GTF2H2C: variants seen among roughly 807,000 people sequenced by gnomAD.
GTF2H2C encodes GTF2H2 family member C.
Under a neutral mutation model 24.8 loss-of-function variants are expected in GTF2H2C, and 5 were observed. The ratio of observed to expected loss-of-function variants is 0.20; its 90% confidence interval spans 0.11 to 0.42. The LOEUF is 0.42. GTF2H2C is among the 20% of genes least tolerant of loss of function. GTF2H2C has a pLI of 1.00. For synonymous variants in GTF2H2C, 14 were observed against 52.6 expected, an observed-to-expected ratio of 0.27 and a Z score of 3.18; for missense variants, 45 against 169.8, an observed-to-expected ratio of 0.27 and a Z score of 4.08.
chr5:69,568,458 A>G (rs1477386975), intron 8 of GTF2H2C: 6 of 329,400 alleles, frequency 1.8e-5, no homozygotes, highest in African/African-American at 1.0e-4. Flanking sequence ...TTTAAATTCT[A>G]TATGTGCTTA....
chr5:69,573,568 C>T (rs1356653508), intron 9 of GTF2H2C, among the ~76,000 whole-genome samples: 3 of 10,616 alleles, frequency 2.8e-4, no homozygotes, highest in Non-Finnish European at 4.3e-4. Flanking sequence ...GAGGTAAGTA[C>T]AGTAGTAGGG....
At chr5:69,564,871 A>G (rs971903747) in intron 2 of GTF2H2C, among the ~76,000 whole-genome samples, 1 of 152,118 alleles carries the variant, frequency 6.6e-6, no homozygotes, top group South Asian at 2.1e-4. Flanking sequence ...GTAAAAAGAC[A>G]CTTATTTTTA....
chr5:69,560,907 G>A (rs954011256), intron 1 of GTF2H2C, among the ~76,000 whole-genome samples: 3 of 151,786 alleles, frequency 2.0e-5, no homozygotes, highest in African/African-American at 7.3e-5. Flanking sequence ...ACAGGCGCGT[G>A]CCACCACGCC....
rs1174187959 is a variant in GTF2H2C at position 69,593,938 on chromosome 5, GAAAAAAAAA to G, written c.*1758_*1766del. Among the ~76,000 whole-genome samples the G allele has an allele frequency of 3.4e-4, 14 of 41,650 alleles. No homozygotes were observed. Among genetic ancestry groups the G allele is most frequent in the Admixed American group, 9.6e-4 (2 of 2,078 alleles). The allele number at this position is 41,650 out of a possible 152,430, so 27.3% of individuals were successfully genotyped here. ...GCGACAGAGCTAGACTCTGTCTCAA[GAAAAAAAAA>G]AAAAAAAAAAAAAAAAAGAGTAAAT... On this transcript the variant is annotated 3_prime_UTR_variant, in exon 17 of 17. Transcript: ENST00000380729.
intron 2 of GTF2H2C, among the ~76,000 whole-genome samples, chr5:69,563,941 A>AT (rs1387004852): frequency 6.7e-6 from 1 of 149,816 alleles, no homozygotes; most frequent in Non-Finnish European, 1.5e-5. Flanking sequence ...CATCTGGCTA[A>AT]TTTTTTTCTA....
chr5:69,577,244 A>G (rs1771344139), intron 9 of GTF2H2C, among the ~76,000 whole-genome samples: 2 of 52,220 alleles, frequency 3.8e-5, no homozygotes, highest in Admixed American at 2.4e-4. Flanking sequence ...CACTCTGATC[A>G]GTCAGCAGCC....
chr5:69,591,528 T>G lies in GTF2H2C; in HGVS notation c.1069-551T>G, dbSNP rs558798722. On this transcript the variant is annotated intron_variant, in intron 16 of 16. Coordinates refer to ENST00000380729, the MANE Select transcript of GTF2H2C (RefSeq NM_001376000.2). Reference sequence around the variant, plus strand: ...TGATTTTTGAATCTGTGTATGAAGCTGCCCTGGAAATTTTATCCCAAGGAG... The same window carrying G: ...TGATTTTTGAATCTGTGTATGAAGCGGCCCTGGAAATTTTATCCCAAGGAG... Among the ~76,000 whole-genome samples the G allele has an allele frequency of 1.2e-4, 18 of 152,266 alleles. No homozygotes were observed. In the East Asian group the frequency reaches 2.9e-3, roughly 24 times the overall value.
chr5:69,563,208 G>GTTTTTTTTT (rs372454225), intron 2 of GTF2H2C, among the ~76,000 whole-genome samples: 2 of 107,312 alleles, frequency 1.9e-5, no homozygotes, highest in African/African-American at 4.4e-5. Context: ...ACCCGGCCTG[G>GTTTTTTTTT]TTTTTTTTTT....
At position 69,563,663 on chromosome 5, in the gene GTF2H2C, G is replaced by T. The variant is rs1236587974; in HGVS notation, c.-34+893G>T. ...TGGTAGTAAACATAGTACCTGATAG[G>T]CAGTTTTTCAACCCTCACTCTTTCC... On this transcript the variant is annotated intron_variant, in intron 2 of 16. Coordinates refer to ENST00000380729, the MANE Select transcript of GTF2H2C (RefSeq NM_001376000.2). Among the ~76,000 whole-genome samples, 3 of 152,042 alleles carry T rather than the reference G, an allele frequency of 2.0e-5. No individual in the cohort carries two copies. In the East Asian group the frequency reaches 5.8e-4, roughly 29 times the overall value.
chr5:69,573,068 T>G (rs1330734175), intron 9 of GTF2H2C, among the ~76,000 whole-genome samples: 2 of 142,564 alleles, frequency 1.4e-5, no homozygotes, highest in South Asian at 2.2e-4. Context: ...TATATATAAT[T>G]TATTATACAT....
intron 3 of GTF2H2C, 38 bp downstream of exon 3, chr5:69,565,226 C>T: frequency 1.7e-6 from 1 of 573,194 alleles, no homozygotes; most frequent in Non-Finnish European, 3.0e-6. Context: ...TTCTTTTAGA[C>T]AATGTCTTTT....
rs1204475855 is a variant in GTF2H2C at position 69,588,382 on chromosome 5, T to A, written c.1029-1946T>A. 8.3e-5 allele frequency among the ~76,000 whole-genome samples: 2 copies of A among 23,986 alleles called. 1 individual carries two copies. The highest frequency in any genetic ancestry group is 1.8e-4 in the Non-Finnish European group (2 of 11,286). 15.7% of individuals were successfully genotyped at this position (23,986 alleles called of 152,430 possible). A position where few individuals can be genotyped will look rare whatever the true frequency, so the allele number is the denominator to read the frequency against. Reference sequence around the variant, plus strand: ...AAATTTTATATTGAAGGACAGAACTTTCTAGATTGAAAGGGCCTGTTGGCT... The same window carrying A: ...AAATTTTATATTGAAGGACAGAACTATCTAGATTGAAAGGGCCTGTTGGCT... On this transcript the variant is annotated intron_variant, in intron 15 of 16. Transcript: ENST00000380729.
In GTF2H2C at chr5:69,594,436, T is replaced by TACACACACACACACACACACACAC. The variant is rs67773295; in HGVS notation, c.*2257_*2280dup. On this transcript the variant is annotated 3_prime_UTR_variant, in exon 17 of 17. Transcript: ENST00000380729. ...GGAGCCCAGGAATATTCATTTTTAA[T>TACACACACACACACACACACACAC]ACACACACACACACACACACACACA... The TACACACACACACACACACACACAC allele has an allele frequency of 6.9e-6, 1 of 145,390 alleles. No individual in the cohort carries two copies. The highest frequency in any genetic ancestry group is 2.5e-5 in the African/African-American group (1 of 39,778). 9.0% of individuals were successfully genotyped at this position (145,390 alleles called of 1,614,324 possible). A position where few individuals can be genotyped will look rare whatever the true frequency, so the allele number is the denominator to read the frequency against.
chr5:69,563,195 C>T (rs1770493375), intron 2 of GTF2H2C, among the ~76,000 whole-genome samples: 1 of 144,360 alleles, frequency 6.9e-6, no homozygotes, highest in South Asian at 2.2e-4. Context: ...TGTCAGCCAT[C>T]ATACCCGGCC....
chr5:69,589,565 GA>G (rs1316335030), intron 15 of GTF2H2C, among the ~76,000 whole-genome samples: 1 of 16,614 alleles, frequency 6.0e-5, no homozygotes, highest in African/African-American at 1.8e-4. Flanking sequence ...AGGCATTCGA[GA>G]CCAGCCTGGG....
At chr5:69,577,427 TTTC>T (rs1264654805) in intron 9 of GTF2H2C, among the ~76,000 whole-genome samples, 7 of 143,796 alleles carry the variant, frequency 4.9e-5, no homozygotes, top group African/African-American at 1.9e-4. Flanking sequence ...TTTCTTTTTC[TTTC>T]TTTTTTTTTT....
At chr5:69,579,469 AC>A (rs1771420655) in intron 11 of GTF2H2C, among the ~76,000 whole-genome samples, 1 of 10,900 alleles carries the variant, frequency 9.2e-5, no homozygotes, top group Admixed American at 8.4e-4. Context: ...CAGGAGAATC[AC>A]TTGAGGCCAG....
chr5:69,568,048 TA>T (rs1770852260), intron 7 of GTF2H2C, 104 bp from the exon 8 acceptor site: 1 of 181,984 alleles, frequency 5.5e-6, no homozygotes, highest in Non-Finnish European at 8.7e-6. Context: ...CTATATAAAT[TA>T]TTTTTTTTTC....
At chr5:69,562,302 G>A (rs1382393938) in intron 1 of GTF2H2C, among the ~76,000 whole-genome samples, 1 of 152,022 alleles carries the variant, frequency 6.6e-6, no homozygotes. Flanking sequence ...TGGGTGGTGA[G>A]TGAAACTCCG....
Sources: allele counts gnomAD v4.1 joint callset (sites outside exome capture counted in the v4.1 genomes callset), GRCh38; gene constraint gnomAD v4.1.1; transcripts MANE v1.5; gene names NCBI Gene and HGNC (gene_info 2026-07-23, HGNC 2026-07-21).